DCLK1: variants seen among roughly 807,000 people sequenced by gnomAD.
DCLK1 encodes the protein serine/threonine-protein kinase DCLK1.
A neutral mutation model predicts 86.2 loss-of-function variants in DCLK1; 16 were observed. The ratio of observed to expected loss-of-function variants is 0.19; its 90% CI spans 0.13 to 0.28. The LOEUF (loss-of-function observed/expected upper bound fraction) is 0.28. DCLK1 is among the 10% of genes least tolerant of loss of function. The pLI, the probability that DCLK1 is intolerant of heterozygous loss-of-function variation, is 1.00. For missense variants in DCLK1, 590 were observed against 940.2 expected (o/e 0.63, Z 4.87); for synonymous variants, 369 against 370.5 (o/e 1.00, Z 0.05).
chr13:35,833,313 G>A (rs1869107677), intron 8 of DCLK1, among the ~76,000 whole-genome samples: 1 of 152,158 alleles, frequency 6.6e-6, no homozygotes, highest in Non-Finnish European at 1.5e-5. Context: ...ACGGAGCCAG[G>A]AAAGTTAGGG....
chr13:36,019,888 C>T (rs1257474677), intron 3 of DCLK1, among the ~76,000 whole-genome samples: 1 of 152,168 alleles, frequency 6.6e-6, no homozygotes, highest in Non-Finnish European at 1.5e-5. Context: ...CTTGCAAAGT[C>T]TCAGGTTGAA....
chr13:35,802,304 C>T (rs1003161592), intron 15 of DCLK1, among the ~76,000 whole-genome samples: 6 of 150,998 alleles, frequency 4.0e-5, no homozygotes, highest in Non-Finnish European at 8.8e-5. Context: ...TGCATTCCAG[C>T]CTGGGTGACA....
intron 3 of DCLK1, among the ~76,000 whole-genome samples, chr13:35,985,112 A>G (rs1439949285): frequency 6.6e-6 from 1 of 152,208 alleles, no homozygotes; most frequent in Non-Finnish European, 1.5e-5. Flanking sequence ...CTGTGAATAA[A>G]AACAGCAATT....
intron 3 of DCLK1, among the ~76,000 whole-genome samples, chr13:35,959,371 C>A (rs1878324619): frequency 6.6e-6 from 1 of 152,082 alleles, no homozygotes; most frequent in African/African-American, 2.4e-5. Context: ...AAACACCATG[C>A]AAACAGGGCG....
chr13:35,986,367 G>T (rs558579837), intron 3 of DCLK1, among the ~76,000 whole-genome samples: 1 of 149,852 alleles, frequency 6.7e-6, no homozygotes, highest in Non-Finnish European at 1.5e-5. Flanking sequence ...CACAGAGGAG[G>T]CAGGGGAGAA....
intron 3 of DCLK1, among the ~76,000 whole-genome samples, chr13:36,051,590 AT>A (rs1477135428): frequency 2.0e-5 from 3 of 152,014 alleles, no homozygotes; most frequent in East Asian, 1.9e-4. Flanking sequence ...AACCATGACA[AT>A]TTTTTTGAAA....
chr13:35,938,964 T>A (rs1308877861), intron 4 of DCLK1, among the ~76,000 whole-genome samples: 1 of 152,210 alleles, frequency 6.6e-6, no homozygotes, highest in Non-Finnish European at 1.5e-5. Flanking sequence ...TAGAAAATTA[T>A]CTATTTGTAG....
Position 35,914,332 on chromosome 13 carries a change from A to T in DCLK1, c.823+33026T>A, listed in dbSNP as rs9574908. 5.6e-3 allele frequency among the ~76,000 whole-genome samples: 414 copies of T among 74,022 alleles called. 16 individuals carry two copies. Among genetic ancestry groups the T allele is most frequent in the African/African-American group, 0.022 (390 of 17,394 alleles). 48.6% of individuals were successfully genotyped at this position (74,022 alleles called of 152,430 possible). A position where few individuals can be genotyped will look rare whatever the true frequency, so the allele number is the denominator to read the frequency against. ...GAGACCTTATCTCAGAAAAAAAAAA[A>T]ATATATATATATATATACATATATA... On this transcript the variant is annotated intron_variant, in intron 4 of 16. Transcript: ENST00000360631.
At chr13:35,812,939 A>T (rs2087178843) in intron 11 of DCLK1, among the ~76,000 whole-genome samples, 1 of 152,252 alleles carries the variant, frequency 6.6e-6, no homozygotes, top group Admixed American at 6.5e-5. Flanking sequence ...GAGTTAAGTT[A>T]AAAACTTTGA....
At chr13:35,978,593 AAG>A (rs1457773934) in intron 3 of DCLK1, among the ~76,000 whole-genome samples, 1 of 152,162 alleles carries the variant, frequency 6.6e-6, no homozygotes, top group African/African-American at 2.4e-5. Flanking sequence ...GATTACAATT[AAG>A]AGAGGAAAAC....
intron 3 of DCLK1, among the ~76,000 whole-genome samples, chr13:35,978,484 G>A (rs536565128): frequency 6.6e-6 from 1 of 152,148 alleles, no homozygotes; most frequent in African/African-American, 2.4e-5. Context: ...GGGATTACCG[G>A]CGTGAGCCAC....
intron 16 of DCLK1, among the ~76,000 whole-genome samples, chr13:35,781,663 C>T (rs2153097814): frequency 6.6e-6 from 1 of 152,270 alleles, no homozygotes. Flanking sequence ...TATTGCTAGC[C>T]ATCACATATA....
chr13:36,079,816 G>A (rs1005841033), intron 3 of DCLK1, among the ~76,000 whole-genome samples: 2 of 152,174 alleles, frequency 1.3e-5, no homozygotes, highest in Admixed American at 1.3e-4. Context: ...GCAATGAAGG[G>A]ATCATTAAGA....
chr13:35,976,785 C>G lies in DCLK1; in HGVS notation c.724-29328G>C, dbSNP rs377594085. Among the ~76,000 whole-genome samples the G allele has an allele frequency of 4.6e-5, 7 of 152,058 alleles. No homozygotes were observed. The South Asian group carries it at 6.2e-4, about 14-fold the overall frequency. On this transcript the variant is annotated intron_variant, in intron 3 of 16. Transcript: ENST00000360631. ...TCTTGACCTCGTGATCCGCCCGCCT[C>G]GGCCTCCCAAAGTGCTGGGATTACA... is the stretch of plus-strand genomic sequence containing the variant.
chr13:36,124,122 C>A (rs530236847), intron 2 of DCLK1, among the ~76,000 whole-genome samples: 1 of 152,160 alleles, frequency 6.6e-6, no homozygotes, highest in Non-Finnish European at 1.5e-5. Context: ...CATATTTTTC[C>A]CTACAGTACT....
intron 3 of DCLK1, among the ~76,000 whole-genome samples, chr13:35,980,300 C>T (rs1879570038): frequency 6.6e-6 from 1 of 152,030 alleles, no homozygotes; most frequent in African/African-American, 2.4e-5. Flanking sequence ...GCTAAAAATA[C>T]AGAAATTAGC....
intron 3 of DCLK1, among the ~76,000 whole-genome samples, chr13:35,958,139 C>CATT (rs1566620649): frequency 3.5e-5 from 5 of 142,086 alleles, no homozygotes; most frequent in South Asian, 2.2e-4. Flanking sequence ...CTACTATAAC[C>CATT]ACCACCACCA....
chr13:35,876,783 T>G (rs1442192248), intron 4 of DCLK1, among the ~76,000 whole-genome samples: 2 of 152,214 alleles, frequency 1.3e-5, no homozygotes, highest in African/African-American at 2.4e-5. Flanking sequence ...TTCTTTACTC[T>G]GATGTTTCTT....
At position 35,839,121 on chromosome 13, in the gene DCLK1, G is replaced by C; in HGVS notation, c.1091C>G (p.Ser364Trp). 1 of 1,599,836 alleles carries C rather than the reference G, an allele frequency of 6.3e-7. No individual in the cohort carries two copies. The highest frequency in any genetic ancestry group is 8.5e-7 in the Non-Finnish European group (1 of 1,173,454). The change falls in exon 7 of 17, where the codon TCG becomes TGG. Residue 364 changes from serine (S) to tryptophan (W), a missense_variant. This residue lies in a region of DCLK1 where 63 missense variants were observed against 64.3 expected (regional missense o/e 0.98). Transcript: ENST00000360631. ...TCCAGGGCCATCGTTCTCATCCATC[G>C]AGCTGCAGACTTTGGTGGACGCAAG... is the stretch of plus-strand genomic sequence containing the variant. ...TSLASTKVCS[S>W]MDENDGPGEE... is the part of the protein sequence containing the mutation.
Sources: allele counts gnomAD v4.1 joint callset (sites outside exome capture counted in the v4.1 genomes callset), GRCh38; gene constraint gnomAD v4.1.1; regional missense constraint gnomAD v4.1.1; transcripts MANE v1.5; gene names NCBI Gene and HGNC (gene_info 2026-07-23, HGNC 2026-07-21).